Variants in SHROOM4 observed in about 807,000 individuals in gnomAD.
The protein encoded by SHROOM4 is shroom family member 4.
Under a neutral mutation model 80.3 loss-of-function variants are expected in SHROOM4, and 17 were observed. The observed-to-expected ratio is 0.21, with a 90% CI of 0.14 to 0.32. The LOEUF (loss-of-function observed/expected upper bound fraction) is 0.32, where lower values mean the gene tolerates loss of function less well. SHROOM4 is among the 10% of genes least tolerant of loss of function. SHROOM4 has a pLI of 1.00. For synonymous variants in SHROOM4, 400 were observed against 437.5 expected (o/e 0.91, Z 1.07); for missense variants, 993 against 1,140.3 (o/e 0.87, Z 1.86).
chrX:50,724,328 GC>G (rs1308020089), intron 1 of SHROOM4, among the ~76,000 whole-genome samples: 2 of 112,450 alleles, frequency 1.8e-5, no homozygotes, highest in Non-Finnish European at 1.9e-5. Flanking sequence ...GTTGGTTTTA[GC>G]CCAGTGAGAC....
At chrX:50,808,926 A>C (rs2147748807) in intron 1 of SHROOM4, among the ~76,000 whole-genome samples, 1 of 110,832 alleles carries the variant, frequency 9.0e-6, no homozygotes, top group East Asian at 2.9e-4. Context: ...CAGGGCCAAA[A>C]GTAGTATCGA....
intron 2 of SHROOM4, among the ~76,000 whole-genome samples, chrX:50,650,311 T>C (rs782484034): frequency 8.9e-6 from 1 of 112,282 alleles, no homozygotes; most frequent in African/African-American, 3.2e-5. Context: ...TTAAATCATT[T>C]CTAGATTTTA....
At chrX:50,716,575 C>G (rs1933960189) in intron 1 of SHROOM4, among the ~76,000 whole-genome samples, 1 of 111,861 alleles carries the variant, frequency 8.9e-6, no homozygotes, top group African/African-American at 3.2e-5. Flanking sequence ...CCCCTACCAG[C>G]AGCCTGTTTA....
At chrX:50,686,600 T>G (rs1171309334) in intron 2 of SHROOM4, among the ~76,000 whole-genome samples, 6 of 111,616 alleles carry the variant, frequency 5.4e-5, no homozygotes, top group African/African-American at 2.0e-4. Flanking sequence ...GAAAAATATA[T>G]GTATATATTT....
intron 5 of SHROOM4, among the ~76,000 whole-genome samples, chrX:50,627,308 G>A (rs1372652140): frequency 1.8e-5 from 2 of 111,064 alleles, no homozygotes; most frequent in Admixed American, 9.5e-5. Flanking sequence ...TCTCTGTATC[G>A]GGCACCGTAC....
At chrX:50,647,758 C>G (rs150218809) in intron 2 of SHROOM4, among the ~76,000 whole-genome samples, 222 of 111,766 alleles carry the variant, frequency 2.0e-3, no homozygotes, top group African/African-American at 6.9e-3. Flanking sequence ...TGGCCACTCC[C>G]CAGGTCATCT....
Position 50,634,182 on chromosome X carries a change from G to A in SHROOM4, c.1891C>T (p.Pro631Ser). The change falls in exon 4 of 9, where the codon CCA becomes TCA. Residue 631 changes from proline (P) to serine (S), a missense_variant. Physicochemically the swap from Pro to Ser is moderately conservative, Grantham distance 74. Transcript: ENST00000376020. Reference protein sequence around the residue: ...EETQEPPESPPLTASNTSLLS... With the variant: ...EETQEPPESPSLTASNTSLLS... ...AGAGATGTGTTAGAGGCAGTGAGTGGAGGACTTTCTGGGGGCTCCTGGGTC... is the reference window on the plus strand; with the variant it reads ...AGAGATGTGTTAGAGGCAGTGAGTGAAGGACTTTCTGGGGGCTCCTGGGTC... 2 of 1,211,705 alleles carry A rather than the reference G, an allele frequency of 1.7e-6. No homozygotes were observed. Among genetic ancestry groups the A allele is most frequent in the Non-Finnish European group, 2.2e-6 (2 of 895,502 alleles).
intron 1 of SHROOM4, among the ~76,000 whole-genome samples, chrX:50,747,324 T>C (rs1934793810): frequency 8.9e-6 from 1 of 111,860 alleles, no homozygotes; most frequent in Non-Finnish European, 1.9e-5. Flanking sequence ...TATCACTCTG[T>C]CAGACGAATT....
In SHROOM4 at chrX:50,592,691, G is replaced by A. The variant is rs782296861; in HGVS notation, c.*4004C>T. ...GATCACCAAGGCCCTTGCTTTCCAGGGAGCTGAGCATGAAGGTGTGAGATT... is the reference window on the plus strand; with the variant it reads ...GATCACCAAGGCCCTTGCTTTCCAGAGAGCTGAGCATGAAGGTGTGAGATT... On this transcript the variant is annotated 3_prime_UTR_variant, in exon 9 of 9. Coordinates refer to ENST00000376020, the MANE Select transcript of SHROOM4 (RefSeq NM_020717.5). 8.3e-4 allele frequency: 100 copies of A among 120,010 alleles called. No homozygotes were observed. The highest frequency in any genetic ancestry group is 1.5e-3 in the Non-Finnish European group (88 of 57,704). The allele number at this position is 120,010 out of a possible 1,213,427, so 9.9% of individuals were successfully genotyped here.
intron 2 of SHROOM4, among the ~76,000 whole-genome samples, chrX:50,670,870 G>A (rs1382976443): frequency 5.3e-5 from 6 of 112,186 alleles, no homozygotes; most frequent in Non-Finnish European, 7.5e-5. Flanking sequence ...GTGATGGTGA[G>A]CTTTTCTTCA....
chrX:50,670,754 C>A (rs781886941), intron 2 of SHROOM4, among the ~76,000 whole-genome samples: 1 of 112,039 alleles, frequency 8.9e-6, no homozygotes, highest in East Asian at 2.8e-4. Context: ...TATTTCTCCA[C>A]ATCCTCTCCA....
chrX:50,771,947 G>A (rs1403287800), intron 1 of SHROOM4, among the ~76,000 whole-genome samples: 1 of 110,929 alleles, frequency 9.0e-6, no homozygotes, highest in Non-Finnish European at 1.9e-5. Context: ...TTTCTGCAAC[G>A]TATTGTTAGT....
chrX:50,728,442 T>G (rs1841371648), intron 1 of SHROOM4, among the ~76,000 whole-genome samples: 1 of 112,277 alleles, frequency 8.9e-6, no homozygotes, highest in Non-Finnish European at 1.9e-5. Flanking sequence ...AAAGCCTGTG[T>G]GCATAAGCTA....
chrX:50,643,900 C>T (rs782622919), intron 2 of SHROOM4, among the ~76,000 whole-genome samples: 5 of 112,736 alleles, frequency 4.4e-5, no homozygotes, highest in Non-Finnish European at 7.5e-5. Flanking sequence ...GAAAAATACC[C>T]CAGACACATA....
At chrX:50,711,742 T>C (rs1933822199) in intron 1 of SHROOM4, among the ~76,000 whole-genome samples, 1 of 112,303 alleles carries the variant, frequency 8.9e-6, no homozygotes, top group Non-Finnish European at 1.9e-5. Context: ...TATATATAAG[T>C]GTTTAATGTA....
chrX:50,758,349 T>G (rs2147619535), intron 1 of SHROOM4, among the ~76,000 whole-genome samples: 1 of 111,869 alleles, frequency 8.9e-6, no homozygotes, highest in Admixed American at 9.5e-5. Flanking sequence ...ACCTGTAAGG[T>G]TTTTGTATAT....
intron 2 of SHROOM4, among the ~76,000 whole-genome samples, chrX:50,640,758 C>A (rs1285005623): frequency 8.9e-6 from 1 of 112,041 alleles, no homozygotes; most frequent in Non-Finnish European, 1.9e-5. Context: ...AGCCTGCAAC[C>A]AGCTCTGTCC....
intron 1 of SHROOM4, among the ~76,000 whole-genome samples, chrX:50,734,473 G>A (rs184207464): frequency 2.6e-3 from 287 of 111,200 alleles, no homozygotes; most frequent in African/African-American, 8.7e-3. Flanking sequence ...GAGTGCAGTG[G>A]TGCAATCTCG....
At chrX:50,678,857 C>G (rs1253927911) in intron 2 of SHROOM4, among the ~76,000 whole-genome samples, 1 of 110,718 alleles carries the variant, frequency 9.0e-6, no homozygotes, top group Admixed American at 9.7e-5. Context: ...TCCCTCTCCC[C>G]AATTTACCCC....
Sources: allele counts gnomAD v4.1 joint callset (sites outside exome capture counted in the v4.1 genomes callset), GRCh38; gene constraint gnomAD v4.1.1; transcripts MANE v1.5; gene names NCBI Gene and HGNC (gene_info 2026-07-23, HGNC 2026-07-21).